Variants in IRAK1BP1 observed in about 807,000 individuals in gnomAD.
IRAK1BP1 encodes the protein interleukin-1 receptor-associated kinase 1-binding protein 1.
IRAK1BP1 carries 24 observed loss-of-function variants against 28.0 expected under a neutral mutation model. The observed-to-expected ratio is 0.86, with a 90% confidence interval of 0.62 to 1.20. IRAK1BP1 has a LOEUF of 1.20. IRAK1BP1 is among the 50% of genes most tolerant of loss of function. The pLI, the probability that IRAK1BP1 is intolerant of heterozygous loss-of-function variation, is 0.00. For missense variants in IRAK1BP1, 336 were observed against 316.7 expected, an observed-to-expected ratio of 1.06 and a Z score of -0.46; for synonymous variants, 131 against 116.3, an observed-to-expected ratio of 1.13 and a Z score of -0.81.
chr6:78,898,189 G>A lies in IRAK1BP1; in HGVS notation c.638G>A (p.Gly213Asp), dbSNP rs757977986. The A allele has an allele frequency of 3.0e-5, 49 of 1,613,388 alleles. No homozygotes were observed. In the Admixed American group the frequency reaches 8.0e-4, roughly 26 times the overall value. ...IKEEETKEWEGQIDDHQSSRL... is the reference protein window; with the variant it reads ...IKEEETKEWEDQIDDHQSSRL... ...GAAGAAGAAACAAAAGAATGGGAAG[G>A]CCAAATAGATGATCACCAGTCATCC... Residue 213 changes from glycine (G) to aspartate (D), a missense_variant, in exon 4 of 4, where the codon GGC (glycine) becomes GAC (aspartate). Gly to Asp is a moderately conservative substitution (Grantham distance 94, BLOSUM62 -1). Coordinates refer to ENST00000369940, the MANE Select transcript of IRAK1BP1 (RefSeq NM_001010844.4).
chr6:78,979,284 C>G, the IRAK1BP1 span, among the ~76,000 whole-genome samples: 1 of 151,870 alleles, frequency 6.6e-6, no homozygotes, highest in Non-Finnish European at 1.5e-5. Flanking sequence ...GAAGCAAAAC[C>G]CAAAAATCCA....
At chr6:78,868,201 T>G (rs1770658989) in intron 1 of IRAK1BP1, among the ~76,000 whole-genome samples, 1 of 152,278 alleles carries the variant, frequency 6.6e-6, no homozygotes, top group Non-Finnish European at 1.5e-5. Context: ...GATGAAATGT[T>G]AAAACTTGAA....
chr6:78,895,032 C>T (rs1028733235), intron 2 of IRAK1BP1, among the ~76,000 whole-genome samples: 23 of 151,394 alleles, frequency 1.5e-4, no homozygotes, highest in African/African-American at 4.8e-4. Context: ...CGCTTGAACC[C>T]GGGAGGTAGA....
the IRAK1BP1 span, chr6:78,966,128 AC>A: frequency 1.1e-6 from 1 of 878,252 alleles, no homozygotes; most frequent in Admixed American, 1.7e-5. Flanking sequence ...CCTAACGTTA[AC>A]CTTTAAGTAC....
At chr6:78,913,187 T>G (rs1344116811) in intron 4 of IRAK1BP1, among the ~76,000 whole-genome samples, 1 of 150,964 alleles carries the variant, frequency 6.6e-6, no homozygotes, top group Non-Finnish European at 1.5e-5. Flanking sequence ...TAAAAAAAAT[T>G]AGCCAGGCGT....
At chr6:78,972,496 T>C in the IRAK1BP1 span, among the ~76,000 whole-genome samples, 2 of 152,088 alleles carry the variant, frequency 1.3e-5, no homozygotes, top group African/African-American at 4.8e-5. Flanking sequence ...GGAACACAGC[T>C]CCTCACCAGC....
chr6:78,948,123 ATAC>A (rs1773929735), downstream of IRAK1BP1, among the ~76,000 whole-genome samples: 1 of 152,200 alleles, frequency 6.6e-6, no homozygotes, highest in Non-Finnish European at 1.5e-5. Flanking sequence ...TCAAAACTTT[ATAC>A]TACTTATAAA....
intron 4 of IRAK1BP1, among the ~76,000 whole-genome samples, chr6:78,931,990 G>C (rs1410183740): frequency 1.3e-5 from 2 of 152,158 alleles, no homozygotes; most frequent in Admixed American, 1.3e-4. Flanking sequence ...AGTTTATGTA[G>C]TATTTAAATT....
At chr6:78,963,058 C>A in the IRAK1BP1 span, 1 of 1,526,020 alleles carries the variant, frequency 6.6e-7, no homozygotes, top group South Asian at 1.3e-5. Flanking sequence ...ACTTTGTGTT[C>A]TGCCAGTTTT....
chr6:78,949,696 T>TG (rs535646868), downstream of IRAK1BP1, among the ~76,000 whole-genome samples: 93 of 151,684 alleles, frequency 6.1e-4, 1 homozygote, highest in South Asian at 7.7e-3. Context: ...CTTTTTTTTT[T>TG]TTGTTGTTAA....
chr6:78,898,267 A>T lies in IRAK1BP1; in HGVS notation c.716A>T (p.His239Leu), dbSNP rs761634701. 6 of 1,611,940 alleles carry T rather than the reference A, an allele frequency of 3.7e-6. No homozygotes were observed. In the African/African-American group the frequency reaches 8.0e-5, roughly 22 times the overall value. Reference protein sequence around the residue: ...VQQKIKSATIHAASKVFITFE... With the variant: ...VQQKIKSATILAASKVFITFE... ...CAAAAAATCAAAAGTGCAACAATACATGCTGCTTCAAAAGTATTTATAACT... is the reference window on the plus strand; with the variant it reads ...CAAAAAATCAAAAGTGCAACAATACTTGCTGCTTCAAAAGTATTTATAACT... Residue 239 changes from histidine to leucine, a missense_variant, in exon 4 of 4, where the codon CAT (histidine) becomes CTT (leucine). By Grantham distance (99) the His-to-Leu change is moderately conservative. Transcript: ENST00000369940.
the IRAK1BP1 span, chr6:78,954,695 A>G: frequency 1.5e-6 from 1 of 645,658 alleles, no homozygotes; most frequent in Non-Finnish European, 2.5e-6. Context: ...TAATGAGAAC[A>G]TGTATAAAAT....
chr6:78,896,462 CAA>C (rs1236735320), intron 2 of IRAK1BP1, among the ~76,000 whole-genome samples: 1 of 151,856 alleles, frequency 6.6e-6, no homozygotes, highest in Non-Finnish European at 1.5e-5. Flanking sequence ...GAAGTAATCT[CAA>C]AGAGCACATA....
intron 1 of IRAK1BP1, among the ~76,000 whole-genome samples, chr6:78,874,818 T>A (rs560143472): frequency 7.2e-5 from 11 of 152,310 alleles, no homozygotes; most frequent in Admixed American, 7.2e-4. Flanking sequence ...AATACTCTTC[T>A]AGACATTGAC....
At chr6:78,880,840 C>A (rs1562078841) in intron 1 of IRAK1BP1, among the ~76,000 whole-genome samples, 1 of 152,118 alleles carries the variant, frequency 6.6e-6, no homozygotes, top group Non-Finnish European at 1.5e-5. Context: ...CTGCTATGTA[C>A]CTATTAGAAT....
At chr6:78,890,543 C>A (rs142715825) in intron 2 of IRAK1BP1, among the ~76,000 whole-genome samples, 1 of 152,098 alleles carries the variant, frequency 6.6e-6, no homozygotes, top group African/African-American at 2.4e-5. Context: ...GGGTGCCCAG[C>A]GCAATGAACA....
chr6:78,970,935 A>T, the IRAK1BP1 span: 1 of 1,275,976 alleles, frequency 7.8e-7, no homozygotes, highest in Non-Finnish European at 1.1e-6. Context: ...GTTTCCTTTA[A>T]TCCAATATAC....
chr6:78,885,350 T>G, intron 1 of IRAK1BP1, 28 bp from the exon 2 acceptor site: 1 of 1,317,548 alleles, frequency 7.6e-7, no homozygotes, highest in Non-Finnish European at 1.1e-6. Flanking sequence ...TATTTAGTAA[T>G]CATACTCTTG....
chr6:78,870,182 C>T (rs1046165612), intron 1 of IRAK1BP1, among the ~76,000 whole-genome samples: 9 of 149,636 alleles, frequency 6.0e-5, no homozygotes, highest in Admixed American at 4.0e-4. Context: ...TATCTTCCTC[C>T]CCTCTATTGT....
Sources: gnomAD v4.1 joint callset for allele counts (sites outside exome capture counted in the v4.1 genomes callset) on GRCh38, gnomAD v4.1.1 for gene constraint, MANE v1.5 for transcripts, NCBI Gene and HGNC (gene_info 2026-07-23, HGNC 2026-07-21) for gene names.